Variants in KIAA1217 observed in about 807,000 individuals in gnomAD.
KIAA1217 encodes KIAA1217.
KIAA1217 carries 88 observed loss-of-function variants against 163.9 expected under a neutral mutation model. That is an observed-to-expected ratio of 0.54 (90% CI 0.45 to 0.64). KIAA1217 has a LOEUF of 0.64. Among genes scored for constraint, KIAA1217 ranks in the 30% least tolerant of loss-of-function variants. The pLI, the probability that KIAA1217 is intolerant of heterozygous loss-of-function variation, is 0.00. For missense variants in KIAA1217, 2,372 were observed against 2,475.0 expected (o/e 0.96, Z 0.88); for synonymous variants, 903 against 923.1 (o/e 0.98, Z 0.39).
At chr10:24,365,712 AT>A (rs912555099) in intron 2 of KIAA1217, among the ~76,000 whole-genome samples, 1 of 151,698 alleles carries the variant, frequency 6.6e-6, no homozygotes, top group Non-Finnish European at 1.5e-5. Flanking sequence ...TTATTTATTT[AT>A]TTTTTTAACC....
At chr10:23,854,290 G>A (rs1330284884) in intron 1 of KIAA1217, among the ~76,000 whole-genome samples, 1 of 152,146 alleles carries the variant, frequency 6.6e-6, no homozygotes, top group African/African-American at 2.4e-5. Flanking sequence ...TCATTCAGGA[G>A]CAGGTTGTTC....
intron 2 of KIAA1217, among the ~76,000 whole-genome samples, chr10:24,068,580 T>C (rs556780931): frequency 1.3e-5 from 2 of 152,312 alleles, no homozygotes; most frequent in African/African-American, 4.8e-5. Context: ...CTTTGCCCAG[T>C]CTTCATGGAC....
chr10:24,249,754 G>C (rs374680449), intron 2 of KIAA1217, among the ~76,000 whole-genome samples: 1 of 152,142 alleles, frequency 6.6e-6, no homozygotes, highest in Non-Finnish European at 1.5e-5. Flanking sequence ...AAACCCTGCG[G>C]AGAGATACCT....
intron 10 of KIAA1217, among the ~76,000 whole-genome samples, chr10:24,517,171 T>C (rs1345415417): frequency 1.9e-5 from 2 of 107,822 alleles, no homozygotes; most frequent in Admixed American, 1.8e-4. Flanking sequence ...CAAAACCCTG[T>C]TAAAAAAAAA....
intron 1 of KIAA1217, among the ~76,000 whole-genome samples, chr10:23,774,933 T>C (rs971872220): frequency 3.3e-5 from 5 of 152,230 alleles, no homozygotes; most frequent in African/African-American, 1.2e-4. Context: ...CCTCCATTTC[T>C]ATTCTTGCCT....
At chr10:24,498,511 A>G (rs1405328775) in intron 8 of KIAA1217, among the ~76,000 whole-genome samples, 3 of 152,080 alleles carry the variant, frequency 2.0e-5, no homozygotes, top group Non-Finnish European at 4.4e-5. Flanking sequence ...TTTTTAAGTG[A>G]GTATAGATTC....
chr10:23,882,465 G>C (rs886666910), intron 1 of KIAA1217, among the ~76,000 whole-genome samples: 1 of 151,800 alleles, frequency 6.6e-6, no homozygotes, highest in African/African-American at 2.4e-5. Context: ...TGTACAGAAT[G>C]GTGGTTGGGA....
At chr10:24,470,846 G>A (rs149108138) in intron 5 of KIAA1217, among the ~76,000 whole-genome samples, 17 of 152,230 alleles carry the variant, frequency 1.1e-4, no homozygotes, top group African/African-American at 3.9e-4. Context: ...AAAACTTGCA[G>A]GGCAGGGATT....
intron 2 of KIAA1217, among the ~76,000 whole-genome samples, chr10:24,317,928 G>C (rs546441385): frequency 6.6e-6 from 1 of 152,284 alleles, no homozygotes; most frequent in Admixed American, 6.5e-5. Context: ...ATCAACGTGC[G>C]TAGGGCATGG....
chr10:24,380,614 CAATAAATAAATAAATA>C (rs56384961), intron 2 of KIAA1217, among the ~76,000 whole-genome samples: 2,253 of 145,616 alleles, frequency 0.015, 61 homozygotes, highest in African/African-American at 0.053. Flanking sequence ...TGCACTCTGG[CAATAAATAAATAAATA>C]AATAAATAAA....
At chr10:24,140,839 T>C (rs1249236194) in intron 2 of KIAA1217, among the ~76,000 whole-genome samples, 1 of 152,182 alleles carries the variant, frequency 6.6e-6, no homozygotes, top group African/African-American at 2.4e-5. Flanking sequence ...AGTGATCCTA[T>C]TGTCTCCTTT....
chr10:24,170,037 C>T (rs1429568808), intron 2 of KIAA1217, among the ~76,000 whole-genome samples: 3 of 152,186 alleles, frequency 2.0e-5, no homozygotes, highest in African/African-American at 7.2e-5. Flanking sequence ...CAGCTCTCTG[C>T]TAGCCATGGA....
intron 1 of KIAA1217, among the ~76,000 whole-genome samples, chr10:23,716,341 C>T (rs1249647715): frequency 2.0e-5 from 3 of 152,122 alleles, no homozygotes; most frequent in African/African-American, 4.8e-5. Flanking sequence ...CTTATGCATA[C>T]ATTTTGTAGT....
At chr10:24,122,109 AG>A (rs1406522226) in intron 2 of KIAA1217, among the ~76,000 whole-genome samples, 1 of 152,190 alleles carries the variant, frequency 6.6e-6, no homozygotes, top group Non-Finnish European at 1.5e-5. Flanking sequence ...CCCATCACCC[AG>A]GTGTGAACAT....
At chr10:24,075,970 A>G (rs2061357120) in intron 2 of KIAA1217, among the ~76,000 whole-genome samples, 1 of 152,028 alleles carries the variant, frequency 6.6e-6, no homozygotes, top group Non-Finnish European at 1.5e-5. Context: ...AGAGGTCATT[A>G]CTGAAGATAG....
At chr10:24,536,663 C>A in intron 16 of KIAA1217, 111 bp from the exon 17 acceptor site, 1 of 1,113,314 alleles carries the variant, frequency 9.0e-7, no homozygotes, top group Non-Finnish European at 1.3e-6. Flanking sequence ...CCTAAACCTG[C>A]GTGCAGGACC....
In KIAA1217 at chr10:24,216,239, T is replaced by A. The variant is rs180969451; in HGVS notation, c.71-3387T>A. 2.4e-3 allele frequency among the ~76,000 whole-genome samples: 363 copies of A among 152,270 alleles called. 2 individuals carry two copies. The highest frequency in any genetic ancestry group is 4.5e-3 in the Non-Finnish European group (309 of 68,018). ...ACTCATTTCAAAGAAGAAAGAGGGTTTATTGTCCCGGCTGTCTTGAACTCT... is the reference window on the plus strand; with the variant it reads ...ACTCATTTCAAAGAAGAAAGAGGGTATATTGTCCCGGCTGTCTTGAACTCT... On this transcript the variant is annotated intron_variant, in intron 1 of 20. Coordinates refer to ENST00000376454, the MANE Select transcript of KIAA1217 (RefSeq NM_019590.5).
chr10:24,424,948 A>G (rs2059063118), intron 3 of KIAA1217, among the ~76,000 whole-genome samples: 1 of 152,116 alleles, frequency 6.6e-6, no homozygotes, highest in South Asian at 2.1e-4. Flanking sequence ...TCTCTTAAAG[A>G]TATGCTACTG....
At chr10:24,015,657 G>A (rs1364951162) in intron 2 of KIAA1217, among the ~76,000 whole-genome samples, 2 of 151,576 alleles carry the variant, frequency 1.3e-5, no homozygotes, top group Non-Finnish European at 2.9e-5. Context: ...TCAGGAGGCT[G>A]AGCCAGGAGA....
Sources: gnomAD v4.1 joint callset for allele counts (sites outside exome capture counted in the v4.1 genomes callset) on GRCh38, gnomAD v4.1.1 for gene constraint, MANE v1.5 for transcripts, NCBI Gene and HGNC (gene_info 2026-07-23, HGNC 2026-07-21) for gene names.